Variants in ZSCAN5A observed in about 807,000 individuals in gnomAD.
ZSCAN5A encodes zinc finger and SCAN domain containing 5A.
A neutral mutation model predicts 23.7 loss-of-function variants in ZSCAN5A; 12 were observed. The observed-to-expected ratio is 0.51, with a 90% CI of 0.32 to 0.82. ZSCAN5A has a LOEUF of 0.82. Among genes scored for constraint, ZSCAN5A ranks in the 40% least tolerant of loss-of-function variants. The pLI, the probability that ZSCAN5A is intolerant of heterozygous loss-of-function variation, is 0.03. For missense variants in ZSCAN5A, 597 were observed against 617.9 expected, an observed-to-expected ratio of 0.97 and a Z score of 0.36; for synonymous variants, 257 against 239.9, an observed-to-expected ratio of 1.07 and a Z score of -0.66.
intron 2 of ZSCAN5A, among the ~76,000 whole-genome samples, chr19:56,330,171 G>A (rs1043137061): frequency 6.6e-6 from 1 of 152,162 alleles, no homozygotes; most frequent in African/African-American, 2.4e-5. Flanking sequence ...ATTTTGTTCC[G>A]TTTTATGACT....
chr19:56,254,632 G>A (rs1208186722), intron 2 of ZSCAN5A, among the ~76,000 whole-genome samples: 4 of 145,908 alleles, frequency 2.7e-5, no homozygotes, highest in South Asian at 4.4e-4. Flanking sequence ...GGATTATATC[G>A]TAATTCTATG....
intron 2 of ZSCAN5A, among the ~76,000 whole-genome samples, chr19:56,322,898 T>C (rs1383267880): frequency 7.6e-5 from 11 of 145,154 alleles, no homozygotes; most frequent in Middle Eastern, 3.4e-3. Flanking sequence ...GTTTCTTTTT[T>C]TTTTTTTTTT....
In ZSCAN5A at chr19:56,355,501, G is replaced by A. The variant is rs774513096; in HGVS notation, c.-358+7734C>T. Among the ~76,000 whole-genome samples the A allele has an allele frequency of 1.3e-4, 19 of 148,448 alleles. 1 individual carries two copies. Among genetic ancestry groups the A allele is most frequent in the Admixed American group, 4.7e-4 (7 of 15,044 alleles). ...ACTGTTTTACACTGACTTAGCTGAT[G>A]CTTAAAACATTGTAGAGATACAAGA... On this transcript the variant is annotated intron_variant, in intron 2 of 6. Coordinates refer to the ZSCAN5A transcript ENST00000587340.
intron 2 of ZSCAN5A, among the ~76,000 whole-genome samples, chr19:56,240,224 A>G (rs1241701787): frequency 6.6e-6 from 1 of 152,032 alleles, no homozygotes; most frequent in Non-Finnish European, 1.5e-5. Context: ...TTGTGGATCT[A>G]TATTTTCTGA....
chr19:56,266,794 T>C (rs2037509552), intron 2 of ZSCAN5A: 1 of 152,244 alleles, frequency 6.6e-6, no homozygotes, highest in South Asian at 2.1e-4. Flanking sequence ...TGCCCATATT[T>C]AATAGAGAAC....
chr19:56,349,501 C>A (rs937151153), intron 2 of ZSCAN5A, among the ~76,000 whole-genome samples: 1 of 151,968 alleles, frequency 6.6e-6, no homozygotes, highest in Non-Finnish European at 1.5e-5. Context: ...TCGAGACCAG[C>A]GTGGCTAACA....
intron 2 of ZSCAN5A, among the ~76,000 whole-genome samples, chr19:56,323,251 G>A (rs571137608): frequency 7.0e-4 from 106 of 152,064 alleles, no homozygotes; most frequent in Admixed American, 1.3e-3. Context: ...CTCAGAGTGC[G>A]CTGGCACAAT....
At chr19:56,288,587 T>G (rs2039298583) in intron 2 of ZSCAN5A, among the ~76,000 whole-genome samples, 1 of 152,194 alleles carries the variant, frequency 6.6e-6, no homozygotes. Flanking sequence ...GGGTCTGGCC[T>G]GCCTTGCTTT....
At chr19:56,270,462 A>G (rs2037769640) in intron 2 of ZSCAN5A, among the ~76,000 whole-genome samples, 1 of 152,156 alleles carries the variant, frequency 6.6e-6, no homozygotes, top group South Asian at 2.1e-4. Context: ...CAAGTTGTGC[A>G]AGAAAGATTC....
At chr19:56,240,968 C>G (rs1346564358) in intron 2 of ZSCAN5A, among the ~76,000 whole-genome samples, 6 of 152,176 alleles carry the variant, frequency 3.9e-5, no homozygotes, top group Admixed American at 2.0e-4. Context: ...CTGGGTCTTC[C>G]AAACTGTTGG....
chr19:56,346,357 C>T (rs1432349924), intron 2 of ZSCAN5A, among the ~76,000 whole-genome samples: 1 of 152,072 alleles, frequency 6.6e-6, no homozygotes, highest in African/African-American at 2.4e-5. Flanking sequence ...ATCCCCAACT[C>T]AGTTACTTAT....
At chr19:56,320,893 A>G in intron 2 of ZSCAN5A, 1 of 764,202 alleles carries the variant, frequency 1.3e-6, no homozygotes, top group Non-Finnish European at 2.5e-6. Flanking sequence ...TGGGGTTCCA[A>G]TCTTTACCCC....
chr19:56,335,570 T>A (rs1206973469), intron 2 of ZSCAN5A, among the ~76,000 whole-genome samples: 2 of 152,240 alleles, frequency 1.3e-5, no homozygotes, highest in African/African-American at 4.8e-5. Flanking sequence ...AATTGGAGCA[T>A]TTAGCCCATT....
chr19:56,272,883 T>G, intron 2 of ZSCAN5A: 1 of 985,430 alleles, frequency 1.0e-6, no homozygotes, highest in Non-Finnish European at 1.2e-6. Flanking sequence ...GATTCTGCTT[T>G]TCCTGGGATT....
intron 2 of ZSCAN5A, chr19:56,322,391 C>G: frequency 1.4e-6 from 1 of 690,606 alleles, no homozygotes; most frequent in Non-Finnish European, 2.6e-6. Context: ...GCAGGCTTCC[C>G]TAGGCCTACA....
chr19:56,279,867 T>G (rs1246996313), intron 2 of ZSCAN5A, among the ~76,000 whole-genome samples: 1 of 152,172 alleles, frequency 6.6e-6, no homozygotes, highest in Non-Finnish European at 1.5e-5. Context: ...TTAAATTATT[T>G]TATTAATATT....
intron 2 of ZSCAN5A, among the ~76,000 whole-genome samples, chr19:56,277,867 G>A (rs1254762302): frequency 6.6e-6 from 1 of 152,080 alleles, no homozygotes; most frequent in Non-Finnish European, 1.5e-5. Flanking sequence ...ATTCATCCAT[G>A]TCACCAAAAA....
chr19:56,321,462 T>G, intron 2 of ZSCAN5A: 1 of 686,540 alleles, frequency 1.5e-6, no homozygotes, highest in Non-Finnish European at 2.7e-6. Flanking sequence ...CACACTTGGC[T>G]TTCATGTCAA....
intron 2 of ZSCAN5A, among the ~76,000 whole-genome samples, chr19:56,282,081 T>C (rs1469536138): frequency 6.6e-6 from 1 of 152,144 alleles, no homozygotes; most frequent in Non-Finnish European, 1.5e-5. Flanking sequence ...TGTGTATTTA[T>C]TGGTGGGTTT....
Sources: gnomAD v4.1 joint callset for allele counts (sites outside exome capture counted in the v4.1 genomes callset) on GRCh38, gnomAD v4.1.1 for gene constraint, MANE v1.5 for transcripts, NCBI Gene and HGNC (gene_info 2026-07-23, HGNC 2026-07-21) for gene names.